COPB1: variants seen among roughly 807,000 people sequenced by gnomAD.
COPB1 encodes the protein coatomer subunit beta.
Under a neutral mutation model 108.7 loss-of-function variants are expected in COPB1, and 21 were observed. That is an observed-to-expected ratio of 0.19 (90% CI 0.14 to 0.28). The LOEUF is 0.28. Ranked by LOEUF, COPB1 falls within the 10% of genes least tolerant of loss-of-function variation. COPB1 has a pLI of 1.00. For synonymous variants in COPB1, 378 were observed against 386.8 expected, an observed-to-expected ratio of 0.98 and a Z score of 0.27; for missense variants, 919 against 1,141.3, an observed-to-expected ratio of 0.81 and a Z score of 2.81.
At chr11:14,485,341 A>G (rs80100710) in intron 7 of COPB1, among the ~76,000 whole-genome samples, 1 of 151,914 alleles carries the variant, frequency 6.6e-6, no homozygotes. Flanking sequence ...TAAAAAAAAA[A>G]GGTTCTGTAC....
intron 8 of COPB1, 101 bp downstream of exon 8, chr11:14,482,931 G>T: frequency 9.0e-7 from 1 of 1,115,838 alleles, no homozygotes; most frequent in Non-Finnish European, 1.2e-6. Flanking sequence ...AAACTGCTCA[G>T]TTTCCAAGCA....
intron 4 of COPB1, among the ~76,000 whole-genome samples, chr11:14,492,283 T>G (rs1850920287): frequency 6.6e-6 from 1 of 152,054 alleles, no homozygotes; most frequent in Non-Finnish European, 1.5e-5. Flanking sequence ...ATTCTGAAAT[T>G]TGTGTAGTCT....
At chr11:14,478,237 C>T (rs182314315) in intron 11 of COPB1, among the ~76,000 whole-genome samples, 18 of 151,772 alleles carry the variant, frequency 1.2e-4, no homozygotes, top group Admixed American at 1.3e-4. Context: ...ATTTAGGACA[C>T]AGTGAAGGCA....
At chr11:14,482,337 C>G (rs916776918) in intron 8 of COPB1, among the ~76,000 whole-genome samples, 4 of 152,140 alleles carry the variant, frequency 2.6e-5, no homozygotes, top group South Asian at 2.1e-4. Context: ...TTTTTATAAC[C>G]ATTATTATTC....
intron 4 of COPB1, among the ~76,000 whole-genome samples, chr11:14,491,668 TCAAA>T (rs1565023984): frequency 9.1e-5 from 2 of 21,894 alleles, no homozygotes; most frequent in Non-Finnish European, 1.8e-4. Context: ...AAACTCTGTC[TCAAA>T]AAAAAAAAAA....
In COPB1 at chr11:14,460,316, A is replaced by G; in HGVS notation, c.2557-19T>C. On this transcript the variant is annotated intron_variant, in intron 19 of 21. Transcript: ENST00000439561. ...CTGTCACCTGTAGAGAGGAAAAAAA[A>G]GTCAAGGAGATCATAAATCTTACTA... is the stretch of plus-strand genomic sequence containing the variant. 1 of 1,459,742 alleles carries G rather than the reference A, an allele frequency of 6.9e-7. No homozygotes were observed. Among genetic ancestry groups the G allele is most frequent in the Non-Finnish European group, 9.5e-7 (1 of 1,054,208 alleles). The allele number at this position is 1,459,742 out of a possible 1,614,324, so 90.4% of individuals were successfully genotyped here.
chr11:14,478,159 G>A (rs1184342819), intron 11 of COPB1, among the ~76,000 whole-genome samples: 1 of 152,024 alleles, frequency 6.6e-6, no homozygotes, highest in East Asian at 1.9e-4. Flanking sequence ...TTATTATTAG[G>A]AACATTCTAA....
At position 14,480,623 on chromosome 11, in the gene COPB1, T is replaced by G. The variant is rs965191987; in HGVS notation, c.1212+136A>C. 5.3e-6 allele frequency: 4 copies of G among 758,900 alleles called. 1 individual carries two copies. Among genetic ancestry groups the G allele is most frequent in the Non-Finnish European group, 8.1e-6 (4 of 492,866 alleles). The allele number at this position is 758,900 out of a possible 1,614,324, so 47.0% of individuals were successfully genotyped here. A position where few individuals can be genotyped will look rare whatever the true frequency, so the allele number is the denominator to read the frequency against. ...ACCCTTCTGAGTTTAAAGGTAGAGG[T>G]AGATATAAAGATCACTTCTCACCAT... is the stretch of plus-strand genomic sequence containing the variant. On this transcript the variant is annotated intron_variant, in intron 10 of 21. Transcript: ENST00000439561.
intron 18 of COPB1, among the ~76,000 whole-genome samples, chr11:14,463,326 A>G (rs989182753): frequency 3.3e-5 from 5 of 151,808 alleles, no homozygotes; most frequent in Non-Finnish European, 5.9e-5. Context: ...TTACTTATTT[A>G]TTTATTTTTG....
intron 3 of COPB1, among the ~76,000 whole-genome samples, 195 bp downstream of exon 3, chr11:14,494,011 TAATA>T (rs1168433061): frequency 3.3e-5 from 5 of 152,202 alleles, no homozygotes; most frequent in African/African-American, 7.2e-5. Context: ...GTTTTTTAAT[TAATA>T]TATACACATA....
intron 14 of COPB1, among the ~76,000 whole-genome samples, chr11:14,473,594 AATT>A (rs1162406710): frequency 1.5e-5 from 1 of 68,962 alleles, no homozygotes; most frequent in Non-Finnish European, 3.0e-5. Context: ...CACACACAAC[AATT>A]ATTGATTACG....
intron 15 of COPB1, 139 bp from the exon 16 acceptor site, chr11:14,468,999 CTTT>C: frequency 1.3e-6 from 1 of 743,554 alleles, no homozygotes. Context: ...CTTTTCTTTT[CTTT>C]TTTTTCTTCC....
intron 2 of COPB1, chr11:14,494,702 A>G (rs1474826758): frequency 6.1e-6 from 2 of 325,524 alleles, no homozygotes; most frequent in Admixed American, 4.5e-5. Flanking sequence ...TTCCTAACCA[A>G]TTGAGTTAAT....
intron 2 of COPB1, among the ~76,000 whole-genome samples, chr11:14,495,851 A>T (rs1227359671): frequency 6.6e-6 from 1 of 152,258 alleles, no homozygotes; most frequent in Non-Finnish European, 1.5e-5. Flanking sequence ...GAAAATTTTT[A>T]AATTATGAGG....
intron 16 of COPB1, among the ~76,000 whole-genome samples, chr11:14,468,479 G>A (rs957535647): frequency 5.3e-5 from 8 of 152,138 alleles, no homozygotes; most frequent in African/African-American, 1.7e-4. Context: ...CAACTGGATC[G>A]AGTTAAACCA....
Position 14,461,190 on chromosome 11 carries a change from T to C in COPB1, c.2552A>G (p.Asn851Ser). The change falls in exon 19 of 22, where the codon AAC becomes AGC. Residue 851 changes from asparagine (N) to serine (S), a missense_variant. Asn to Ser is a conservative substitution (Grantham distance 46). Around this residue, in one of 5 missense-constraint regions of COPB1, gnomAD observed 705 missense variants for 817.8 expected, o/e 0.86. Transcript: ENST00000439561. ...GAAAATCTCCCAAGGACTAACTTTG[T>C]TTTCCCATTCAAATTCGGCCCACAT... ...RQMWAEFEWE[N>S]KVTVNTNMVD... 1 of 1,614,114 alleles carries C rather than the reference T, an allele frequency of 6.2e-7. No individual in the cohort carries two copies. Among genetic ancestry groups the C allele is most frequent in the Non-Finnish European group, 8.5e-7 (1 of 1,180,014 alleles).
rs1045039814 is a variant in COPB1, at chr11:14,457,576, T to A, written c.*248A>T. The stretch of plus-strand genomic sequence containing the variant: ...TTATGAATAGATCTGTTTATTGTAC[T>A]GTGAAAAGGGTCTTGGTACATGAAA... On this transcript the variant is annotated 3_prime_UTR_variant, in exon 22 of 22. Transcript: ENST00000439561. 3 of 307,060 alleles carry A rather than the reference T, an allele frequency of 9.8e-6. No homozygotes were observed. Among genetic ancestry groups the A allele is most frequent in the Admixed American group, 4.8e-5 (1 of 20,810 alleles). 19.0% of individuals were successfully genotyped at this position (307,060 alleles called of 1,614,324 possible). A position where few individuals can be genotyped will look rare whatever the true frequency, so the allele number is the denominator to read the frequency against.
chr11:14,492,110 T>C (rs1388025509), intron 4 of COPB1, among the ~76,000 whole-genome samples: 1 of 152,182 alleles, frequency 6.6e-6, no homozygotes, highest in Non-Finnish European at 1.5e-5. Flanking sequence ...CTTCTGTAAA[T>C]ATATTGGTAG....
intron 7 of COPB1, 82 bp downstream of exon 7, chr11:14,486,285 G>T: frequency 6.7e-7 from 1 of 1,501,040 alleles, no homozygotes; most frequent in Non-Finnish European, 9.2e-7. Context: ...TAACCACATA[G>T]TGAATTGAAA....
Sources: allele counts gnomAD v4.1 joint callset (sites outside exome capture counted in the v4.1 genomes callset), GRCh38; gene constraint gnomAD v4.1.1; regional missense constraint gnomAD v4.1.1; transcripts MANE v1.5; gene names NCBI Gene and HGNC (gene_info 2026-07-23, HGNC 2026-07-21).